SLC17A5: variants seen among roughly 807,000 people sequenced by gnomAD.
The protein encoded by SLC17A5 is solute carrier family 17 member 5, also known as sialin.
Under a neutral mutation model 59.4 loss-of-function variants are expected in SLC17A5, and 47 were observed. The ratio of observed to expected loss-of-function variants is 0.79; its 90% CI spans 0.63 to 1.01. The LOEUF (loss-of-function observed/expected upper bound fraction) is 1.01. Ranked by LOEUF, SLC17A5 falls within the 50% of genes least tolerant of loss-of-function variation. The pLI is 0.00. For missense variants in SLC17A5, 522 were observed against 595.5 expected (o/e 0.88, Z 1.28); for synonymous variants, 202 against 210.7 (o/e 0.96, Z 0.36).
At position 73,605,630 on chromosome 6, in the gene SLC17A5, AACAC is replaced by A. The variant is rs3045763; in HGVS notation, c.1259+4766_1259+4769del. Among the ~76,000 whole-genome samples the A allele has an allele frequency of 7.8e-3, 1,139 of 145,930 alleles. 12 individuals are homozygous for A. The highest frequency in any genetic ancestry group is 0.021 in the East Asian group (104 of 4,906). On this transcript the variant is annotated intron_variant, in intron 9 of 10. Transcript: ENST00000355773. ...CTTTGAGCTAGAACTGCAAGGTTTA[AACAC>A]ACACACACACACACACACACACACA...
At chr6:73,632,192 G>A (rs1036159984) in intron 6 of SLC17A5, among the ~76,000 whole-genome samples, 7 of 148,580 alleles carry the variant, frequency 4.7e-5, no homozygotes, top group African/African-American at 1.3e-4. Flanking sequence ...CCAGCTACTC[G>A]AGAGGCTGAG....
Position 73,593,382 on chromosome 6 carries a change from A to G in SLC17A5, c.*1695T>C, listed in dbSNP as rs990536988. The G allele has an allele frequency of 5.3e-5, 8 of 152,270 alleles. No individual in the cohort carries two copies. Among genetic ancestry groups the G allele is most frequent in the African/African-American group, 1.4e-4 (6 of 41,478 alleles). The allele number at this position is 152,270 out of a possible 1,614,324, so 9.4% of individuals were successfully genotyped here. A position where few individuals can be genotyped will look rare whatever the true frequency, so the allele number is the denominator to read the frequency against. ...ACAGAACTGTCAGATCCAAAAATCA[A>G]TTCACAAAGGTTTATTTTGATGATT... is the stretch of plus-strand genomic sequence containing the variant. On this transcript the variant is annotated 3_prime_UTR_variant, in exon 11 of 11. Coordinates refer to ENST00000355773, the MANE Select transcript of SLC17A5 (RefSeq NM_012434.5).
Position 73,621,910 on chromosome 6 carries a change from A to T in SLC17A5, c.872T>A (p.Leu291His), listed in dbSNP as rs1481272405. Residue 291 changes from leucine to histidine, a missense_variant, in exon 7 of 11, where the codon CTT (leucine) becomes CAT (histidine). By Grantham distance (99) the Leu-to-His change is moderately conservative (BLOSUM62 -3). Coordinates refer to ENST00000355773, the MANE Select transcript of SLC17A5 (RefSeq NM_012434.5). ...PWVPILKSLP[L>H]WAIVVAHFSY... Reference sequence around the variant, plus strand: ...AAAGTGTGCAACTACGATAGCCCAAAGTGGCAGGGATTTTAAAATGGGTAC... The same window carrying T: ...AAAGTGTGCAACTACGATAGCCCAATGTGGCAGGGATTTTAAAATGGGTAC... The T allele has an allele frequency of 1.2e-6, 2 of 1,613,970 alleles. No homozygotes were observed. Among genetic ancestry groups the T allele is most frequent in the African/African-American group, 2.7e-5 (2 of 74,934 alleles).
intron 6 of SLC17A5, among the ~76,000 whole-genome samples, chr6:73,631,350 G>A (rs913294066): frequency 3.3e-5 from 5 of 151,734 alleles, no homozygotes; most frequent in East Asian, 1.9e-4. Context: ...CAAAAAATGC[G>A]AAACATCTTC....
At chr6:73,641,076 A>G (rs970767348) in intron 3 of SLC17A5, among the ~76,000 whole-genome samples, 2 of 152,118 alleles carry the variant, frequency 1.3e-5, no homozygotes, top group African/African-American at 4.8e-5. Context: ...AGGATGGTCA[A>G]TCTTAACCAT....
intron 9 of SLC17A5, among the ~76,000 whole-genome samples, chr6:73,601,412 G>A (rs1392962549): frequency 2.8e-5 from 4 of 143,974 alleles, no homozygotes; most frequent in African/African-American, 1.0e-4. Flanking sequence ...GGAGGGAGGT[G>A]GGGGGGTCAG....
At chr6:73,653,557 C>G (rs1182761825) in intron 1 of SLC17A5, 18 of 877,422 alleles carry the variant, frequency 2.1e-5, no homozygotes, top group Middle Eastern at 5.7e-4. Flanking sequence ...GCCGAGGCCC[C>G]GGCTCGGCTC....
intron 3 of SLC17A5, 36 bp from the exon 4 acceptor site, chr6:73,638,535 T>C: frequency 6.6e-6 from 10 of 1,526,004 alleles, no homozygotes; most frequent in Non-Finnish European, 9.1e-6. Context: ...TGATGAAATG[T>C]AAGGTAGTTT....
chr6:73,647,104 C>T (rs976818850), intron 1 of SLC17A5, among the ~76,000 whole-genome samples: 3 of 152,136 alleles, frequency 2.0e-5, no homozygotes, highest in Non-Finnish European at 2.9e-5. Context: ...GCAAGAAAAA[C>T]CCAGATTTAT....
chr6:73,599,984 CG>C (rs1766982412), intron 10 of SLC17A5, among the ~76,000 whole-genome samples: 1 of 151,994 alleles, frequency 6.6e-6, no homozygotes, highest in Admixed American at 6.6e-5. Flanking sequence ...TTAGTAGAGA[CG>C]GGGTTTCACC....
chr6:73,621,692 C>G (rs148613295), intron 7 of SLC17A5, 112 bp downstream of exon 7: 1 of 862,258 alleles, frequency 1.2e-6, no homozygotes, highest in African/African-American at 1.7e-5. Context: ...AAATTTAGGA[C>G]AGCAGAGTAA....
At chr6:73,640,880 C>A (rs990378860) in intron 3 of SLC17A5, among the ~76,000 whole-genome samples, 3 of 151,940 alleles carry the variant, frequency 2.0e-5, no homozygotes, top group African/African-American at 7.3e-5. Context: ...AATCATAGAA[C>A]TAAATTGAGA....
At chr6:73,626,621 A>G (rs1768431477) in intron 6 of SLC17A5, among the ~76,000 whole-genome samples, 1 of 152,240 alleles carries the variant, frequency 6.6e-6, no homozygotes, top group African/African-American at 2.4e-5. Context: ...AGAACTTTCC[A>G]TGATGATGGA....
intron 9 of SLC17A5, among the ~76,000 whole-genome samples, chr6:73,601,389 G>A (rs1767079213): frequency 6.8e-6 from 1 of 147,496 alleles, no homozygotes; most frequent in Non-Finnish European, 1.5e-5. Context: ...CCGCCCGGCA[G>A]CCGCCCCGTC....
At chr6:73,614,845 C>T (rs916224780) in intron 8 of SLC17A5, among the ~76,000 whole-genome samples, 1 of 152,130 alleles carries the variant, frequency 6.6e-6, no homozygotes, top group African/African-American at 2.4e-5. Context: ...TCATCTATAT[C>T]CTTTGCAATA....
At chr6:73,647,441 G>A (rs1238162198) in intron 1 of SLC17A5, among the ~76,000 whole-genome samples, 1 of 152,242 alleles carries the variant, frequency 6.6e-6, no homozygotes, top group Non-Finnish European at 1.5e-5. Context: ...AATGTTAGAT[G>A]TGGGAGTAAG....
chr6:73,598,188 T>G (rs2351119), intron 10 of SLC17A5, among the ~76,000 whole-genome samples: 38,792 of 152,170 alleles, frequency 0.25, 5,284 homozygotes, highest in Non-Finnish European at 0.3. Context: ...GCTCCTAGTT[T>G]GTTTTTTAAC....
chr6:73,631,300 C>T (rs1018307824), intron 6 of SLC17A5, among the ~76,000 whole-genome samples: 1 of 151,648 alleles, frequency 6.6e-6, no homozygotes, highest in Non-Finnish European at 1.5e-5. Flanking sequence ...ACTCCACAGT[C>T]ATGTCTGAGC....
intron 9 of SLC17A5, among the ~76,000 whole-genome samples, chr6:73,610,137 G>A (rs1427970623): frequency 2.0e-5 from 3 of 151,814 alleles, no homozygotes; most frequent in Admixed American, 6.6e-5. Context: ...GGGTTCAAGC[G>A]ATTCTCCTGC....
Sources: gnomAD v4.1 joint callset for allele counts (sites outside exome capture counted in the v4.1 genomes callset) on GRCh38, gnomAD v4.1.1 for gene constraint, MANE v1.5 for transcripts, NCBI Gene and HGNC (gene_info 2026-07-23, HGNC 2026-07-21) for gene names.